The following PPFIA2 variants were observed in gnomAD, a reference collection of about 807,000 sequenced individuals.
PPFIA2 encodes PPFI scaffold protein A2.
In PPFIA2, 46 loss-of-function variants were observed where a neutral mutation model predicts 175.5. The observed-to-expected ratio is 0.26, with a 90% CI of 0.21 to 0.34. PPFIA2 has a LOEUF of 0.34. Among genes scored for constraint, PPFIA2 ranks in the 10% least tolerant of loss-of-function variants. The pLI, the probability that PPFIA2 is intolerant of heterozygous loss-of-function variation, is 1.00. For synonymous variants in PPFIA2, 568 were observed against 511.4 expected (o/e 1.11, Z -1.49); for missense variants, 1,179 against 1,506.1 (o/e 0.78, Z 3.60).
rs531398669 is a variant in PPFIA2, at chr12:81,358,001, T to C, written c.1773+81A>G. ...AATAAAAATGCTAGCATTTTCTAAT[T>C]ATCTCAGTGTTAAAATTCTATCAAA... On this transcript the variant is annotated intron_variant, in intron 16 of 32. Transcript: ENST00000549396. 197 of 1,275,892 alleles carry C rather than the reference T, an allele frequency of 1.5e-4. 8 individuals carry two copies. The South Asian group carries it at 2.1e-3, about 13-fold the overall frequency. 79.0% of individuals were successfully genotyped at this position (1,275,892 alleles called of 1,614,324 possible).
At chr12:81,263,721 G>A (rs1296192202) in intron 30 of PPFIA2, among the ~76,000 whole-genome samples, 1 of 152,058 alleles carries the variant, frequency 6.6e-6, no homozygotes, top group Non-Finnish European at 1.5e-5. Flanking sequence ...TTATGCCGAC[G>A]GGTTTTATGG....
At chr12:81,658,437 C>T (rs901283572) in intron 4 of PPFIA2, among the ~76,000 whole-genome samples, 19 of 152,086 alleles carry the variant, frequency 1.2e-4, no homozygotes, top group African/African-American at 4.6e-4. Context: ...AAGCCTTTAT[C>T]TTTACTTCAT....
intron 4 of PPFIA2, among the ~76,000 whole-genome samples, chr12:81,537,153 T>G (rs1404111668): frequency 2.6e-5 from 4 of 151,594 alleles, no homozygotes; most frequent in African/African-American, 7.3e-5. Context: ...AATGAAAAAT[T>G]TAATATGGAA....
At chr12:81,729,889 T>C (rs1360382267) in intron 3 of PPFIA2, among the ~76,000 whole-genome samples, 5 of 151,520 alleles carry the variant, frequency 3.3e-5, no homozygotes, top group African/African-American at 7.3e-5. Flanking sequence ...AGCTGGGACT[T>C]CAGTTCCACA....
intron 2 of PPFIA2, among the ~76,000 whole-genome samples, chr12:81,754,539 G>T (rs552713582): frequency 4.6e-5 from 7 of 152,216 alleles, no homozygotes; most frequent in Non-Finnish European, 1.0e-4. Flanking sequence ...ATAAACATGT[G>T]ATTTCTATTA....
At chr12:81,376,208 T>C (rs764498915) in intron 9 of PPFIA2, among the ~76,000 whole-genome samples, 41 of 152,188 alleles carry the variant, frequency 2.7e-4, no homozygotes, top group Admixed American at 2.6e-4. Flanking sequence ...TACTGTAGAA[T>C]TGGCATTCTT....
chr12:81,398,078 A>G (rs1050505989), intron 8 of PPFIA2, among the ~76,000 whole-genome samples: 1 of 152,038 alleles, frequency 6.6e-6, no homozygotes, highest in African/African-American at 2.4e-5. Flanking sequence ...TAAAGTGCAA[A>G]ATAAATGTAA....
intron 3 of PPFIA2, among the ~76,000 whole-genome samples, chr12:81,679,550 A>G (rs1355367599): frequency 6.6e-6 from 1 of 152,084 alleles, no homozygotes; most frequent in African/African-American, 2.4e-5. Flanking sequence ...AGAAAAAATG[A>G]GAAAGAAGAA....
intron 3 of PPFIA2, among the ~76,000 whole-genome samples, chr12:81,734,286 A>G (rs1375970814): frequency 2.6e-5 from 4 of 151,806 alleles, no homozygotes; most frequent in African/African-American, 9.7e-5. Flanking sequence ...GAAGATATGC[A>G]CATATAAGGA....
At chr12:81,575,091 A>C (rs11114918) in intron 4 of PPFIA2, among the ~76,000 whole-genome samples, 20,548 of 151,794 alleles carry the variant, frequency 0.14, 1,461 homozygotes, top group Middle Eastern at 0.19. Flanking sequence ...ATTTAAAATG[A>C]AATATTTGTG....
intron 24 of PPFIA2, among the ~76,000 whole-genome samples, chr12:81,288,376 C>CT (rs1363405746): frequency 6.6e-6 from 1 of 151,674 alleles, no homozygotes; most frequent in Non-Finnish European, 1.5e-5. Context: ...GATTATCTTG[C>CT]TTGTCTCCCC....
intron 4 of PPFIA2, among the ~76,000 whole-genome samples, chr12:81,627,764 A>G (rs1049056656): frequency 2.2e-4 from 33 of 152,178 alleles, no homozygotes; most frequent in African/African-American, 7.0e-4. Context: ...AATTACTTTC[A>G]TAGGTTGCCC....
intron 4 of PPFIA2, among the ~76,000 whole-genome samples, chr12:81,619,257 T>A (rs1347675381): frequency 1.3e-5 from 2 of 152,246 alleles, no homozygotes; most frequent in Non-Finnish European, 2.9e-5. Context: ...CTGAGTCCAA[T>A]GACACTCAAG....
chr12:81,362,225 A>G (rs911052849), intron 15 of PPFIA2, among the ~76,000 whole-genome samples: 7 of 149,892 alleles, frequency 4.7e-5, no homozygotes, highest in Non-Finnish European at 1.0e-4. Context: ...AAATAGGTAG[A>G]TGCTAAGTGA....
rs533839421 is a variant in PPFIA2, at chr12:81,356,814, C to T, written c.1773+1268G>A. Among the ~76,000 whole-genome samples the T allele has an allele frequency of 9.2e-5, 14 of 152,204 alleles. No homozygotes were observed. In the South Asian group the frequency reaches 2.3e-3, roughly 25 times the overall value. The stretch of plus-strand genomic sequence containing the variant: ...AATTTGTAAAAAACTGACAAACAAA[C>T]AAACATAATGCTTGTGAAATACAAT... On this transcript the variant is annotated intron_variant, in intron 16 of 32. Transcript: ENST00000549396.
chr12:81,295,161 A>G, intron 23 of PPFIA2, 126 bp from the exon 24 acceptor site: 1 of 868,264 alleles, frequency 1.2e-6, no homozygotes, highest in Non-Finnish European at 1.8e-6. Flanking sequence ...AAATGTTATC[A>G]TTATTTTCCC....
chr12:81,299,774 C>T (rs954358421), intron 22 of PPFIA2, among the ~76,000 whole-genome samples: 1 of 152,134 alleles, frequency 6.6e-6, no homozygotes, highest in African/African-American at 2.4e-5. Context: ...CTTTGCCTTA[C>T]TATCTCCATG....
At chr12:81,522,171 C>A (rs922268206) in intron 4 of PPFIA2, among the ~76,000 whole-genome samples, 8 of 152,248 alleles carry the variant, frequency 5.3e-5, no homozygotes, top group Admixed American at 4.6e-4. Context: ...ATATTTAAAG[C>A]TAGCTATTGA....
At chr12:81,725,152 T>C (rs1485313547) in intron 3 of PPFIA2, among the ~76,000 whole-genome samples, 1 of 150,958 alleles carries the variant, frequency 6.6e-6, no homozygotes, top group Non-Finnish European at 1.5e-5. Context: ...TTCAGTTATG[T>C]CAGATCAAGG....
Sources: gnomAD v4.1 joint callset for allele counts (sites outside exome capture counted in the v4.1 genomes callset) on GRCh38, gnomAD v4.1.1 for gene constraint, MANE v1.5 for transcripts, NCBI Gene and HGNC (gene_info 2026-07-23, HGNC 2026-07-21) for gene names.